Variants in NUTF2 observed in about 807,000 individuals in gnomAD.
NUTF2 encodes the protein placental protein 15.
Under a neutral mutation model 18.5 loss-of-function variants are expected in NUTF2, and 3 were observed. The observed-to-expected ratio is 0.16, with a 90% CI of 0.07 to 0.42. NUTF2 has a LOEUF of 0.42. Ranked by LOEUF, NUTF2 falls within the 10% of genes least tolerant of loss-of-function variation. The probability of loss-of-function intolerance (pLI) is 0.99; values close to 1 mark genes in which losing one functional copy is unlikely to be tolerated. For missense variants in NUTF2, 44 were observed against 160.7 expected, an observed-to-expected ratio of 0.27 and a Z score of 3.93; for synonymous variants, 51 against 57.9, an observed-to-expected ratio of 0.88 and a Z score of 0.54.
In NUTF2 at chr16:67,868,341, T is replaced by C; in HGVS notation, c.101T>C (p.Ile34Thr). Residue 34 changes from isoleucine to threonine, a missense_variant and splice_region_variant, in exon 3 of 5, where the codon ATT (isoleucine) becomes ACT (threonine). By Grantham distance (89) the Ile-to-Thr change is moderately conservative. Coordinates refer to ENST00000219169, the MANE Select transcript of NUTF2 (RefSeq NM_005796.3). ...NDRTQLGAIY[I>T]DASCLTWEGQ... is the part of the protein sequence containing the mutation. ...TGGGGTTTCCTGTGCCTTTTTCAGATTGACGCGTCATGCCTTACGTGGGAA... is the reference window on the plus strand; with the variant it reads ...TGGGGTTTCCTGTGCCTTTTTCAGACTGACGCGTCATGCCTTACGTGGGAA... The C allele has an allele frequency of 1.2e-6, 2 of 1,613,520 alleles. No homozygotes were observed. The highest frequency in any genetic ancestry group is 1.7e-6 in the Non-Finnish European group (2 of 1,179,512).
chr16:67,864,142 G>C (rs557303095), intron 1 of NUTF2, among the ~76,000 whole-genome samples: 21 of 152,218 alleles, frequency 1.4e-4, no homozygotes, highest in Non-Finnish European at 2.8e-4. Context: ...GAAAGGGCCA[G>C]GTCAGGTAAT....
intron 1 of NUTF2, among the ~76,000 whole-genome samples, chr16:67,848,014 G>C (rs2057820276): frequency 1.3e-5 from 2 of 152,278 alleles, no homozygotes; most frequent in Middle Eastern, 3.4e-3. Context: ...CCCCTCACTT[G>C]CTTGCTCACT....
Position 67,871,023 on chromosome 16 carries a change from T to G in NUTF2, c.*110T>G. On this transcript the variant is annotated 3_prime_UTR_variant, in exon 5 of 5. Transcript: ENST00000219169. Reference sequence around the variant, plus strand: ...CATGCACAAATGAGCAGGGCCGCGGTGGGAGTGGGCGCAGTGCGCTGCTGC... The same window carrying G: ...CATGCACAAATGAGCAGGGCCGCGGGGGGAGTGGGCGCAGTGCGCTGCTGC... 3.3e-5 allele frequency: 25 copies of G among 764,716 alleles called. No homozygotes were observed. The highest frequency in any genetic ancestry group is 5.2e-5 in the East Asian group (2 of 38,216). The allele number at this position is 764,716 out of a possible 1,614,324, so 47.4% of individuals were successfully genotyped here.
intron 1 of NUTF2, among the ~76,000 whole-genome samples, chr16:67,851,774 G>A (rs901579243): frequency 6.6e-6 from 1 of 152,060 alleles, no homozygotes; most frequent in Non-Finnish European, 1.5e-5. Context: ...CCAGCACTTT[G>A]GGAGGCTGAG....
chr16:67,859,795 C>CT lies in NUTF2; in HGVS notation c.-29-5280dup, dbSNP rs34914554. Among the ~76,000 whole-genome samples the CT allele has an allele frequency of 2.5e-3, 115 of 45,628 alleles. 13 individuals are homozygous for CT. The highest frequency in any genetic ancestry group is 3.6e-3 in the Non-Finnish European group (100 of 27,746). 29.9% of individuals were successfully genotyped at this position (45,628 alleles called of 152,430 possible). A position where few individuals can be genotyped will look rare whatever the true frequency, so the allele number is the denominator to read the frequency against. ...ACAGGCGTGAGCCACTGCGCCAGGC[C>CT]TTTTTTTTTTTTTTTTTTTTTTTTT... On this transcript the variant is annotated intron_variant, in intron 1 of 4. Transcript: ENST00000219169.
chr16:67,857,730 G>A (rs1186460337), intron 1 of NUTF2, among the ~76,000 whole-genome samples: 1 of 152,266 alleles, frequency 6.6e-6, no homozygotes, highest in East Asian at 1.9e-4. Context: ...GTGTGGCTGT[G>A]CCTGCTGTTT....
chr16:67,849,248 G>A lies in NUTF2; in HGVS notation c.-30+2263G>A, dbSNP rs562935057. ...TTTCAAGACCCTGTAGATTGTCTGC[G>A]TGGGTACTTTCTAGGACACAGATTT... On this transcript the variant is annotated intron_variant, in intron 1 of 4. Coordinates refer to ENST00000219169, the MANE Select transcript of NUTF2 (RefSeq NM_005796.3). Among the ~76,000 whole-genome samples, 7 of 152,352 alleles carry A rather than the reference G, an allele frequency of 4.6e-5. No individual in the cohort carries two copies. In the South Asian group the frequency reaches 1.2e-3, roughly 27 times the overall value.
At chr16:67,854,461 A>G (rs2151295425) in intron 1 of NUTF2, among the ~76,000 whole-genome samples, 1 of 152,358 alleles carries the variant, frequency 6.6e-6, no homozygotes, top group South Asian at 2.1e-4. Flanking sequence ...TGTTCCTTCA[A>G]CAGATGGCCC....
chr16:67,866,013 C>T (rs900184623), intron 2 of NUTF2, among the ~76,000 whole-genome samples: 3 of 152,252 alleles, frequency 2.0e-5, no homozygotes, highest in Non-Finnish European at 2.9e-5. Flanking sequence ...CCACTGCGCC[C>T]GGCATTTGCT....
chr16:67,865,939 C>T (rs546777864), intron 2 of NUTF2, among the ~76,000 whole-genome samples: 3 of 152,116 alleles, frequency 2.0e-5, no homozygotes, highest in East Asian at 3.9e-4. Flanking sequence ...AGGCTGGTCT[C>T]GAACTCCTGA....
intron 1 of NUTF2, among the ~76,000 whole-genome samples, chr16:67,858,684 G>A (rs902595051): frequency 3.9e-5 from 6 of 152,176 alleles, no homozygotes; most frequent in African/African-American, 1.2e-4. Context: ...AGTGGCAAGA[G>A]ATGAGGTTGG....
At chr16:67,870,418 AG>A in intron 4 of NUTF2, 1 of 182,496 alleles carries the variant, frequency 5.5e-6, no homozygotes. Context: ...GATTGTTTGC[AG>A]TTTTTTTGAT....
rs1351461563 is a variant in NUTF2 at position 67,871,171 on chromosome 16, T to TTC, written c.*259_*260insCT. 2 of 330,974 alleles carry TTC rather than the reference T, an allele frequency of 6.0e-6. No homozygotes were observed. The highest frequency in any genetic ancestry group is 4.3e-5 in the African/African-American group (2 of 46,334). 20.5% of individuals were successfully genotyped at this position (330,974 alleles called of 1,614,324 possible). ...AATGCAAAAGGTTGTCCTTTTTTTT[T>TTC]TTTTTTTTTTTTTAATCTACTGACA... On this transcript the variant is annotated 3_prime_UTR_variant, in exon 5 of 5. Coordinates refer to ENST00000219169, the MANE Select transcript of NUTF2 (RefSeq NM_005796.3).
chr16:67,860,824 C>T (rs532069564), intron 1 of NUTF2, among the ~76,000 whole-genome samples: 1 of 152,346 alleles, frequency 6.6e-6, no homozygotes, highest in South Asian at 2.1e-4. Context: ...CTCGATCACT[C>T]TCCTGCCTCA....
chr16:67,865,304 C>T (rs1361674637), intron 2 of NUTF2, 75 bp downstream of exon 2: 3 of 1,027,234 alleles, frequency 2.9e-6, no homozygotes, highest in East Asian at 4.9e-5. Flanking sequence ...GTCCAGTTCA[C>T]AAGTTCTGGC....
intron 1 of NUTF2, among the ~76,000 whole-genome samples, chr16:67,860,896 G>A (rs577265121): frequency 1.3e-5 from 2 of 152,356 alleles, no homozygotes; most frequent in East Asian, 1.9e-4. Flanking sequence ...TTGTGACCTC[G>A]AAGGTTTGAG....
chr16:67,862,494 C>T (rs1158945225), intron 1 of NUTF2, among the ~76,000 whole-genome samples: 2 of 152,174 alleles, frequency 1.3e-5, no homozygotes, highest in Non-Finnish European at 1.5e-5. Context: ...TATCCCTCCA[C>T]CCCATTTCCT....
intron 1 of NUTF2, among the ~76,000 whole-genome samples, chr16:67,858,708 C>T (rs2057914423): frequency 6.6e-6 from 1 of 152,060 alleles, no homozygotes; most frequent in East Asian, 1.9e-4. Context: ...GCCAGGAGGG[C>T]CAGGTCACCT....
At chr16:67,868,925 G>A (rs1234847211) in intron 4 of NUTF2, 1 of 229,556 alleles carries the variant, frequency 4.4e-6, no homozygotes, top group Non-Finnish European at 8.8e-6. Flanking sequence ...TGGGACTGGG[G>A]TGCCAAGCCA....
Sources: allele counts gnomAD v4.1 joint callset (sites outside exome capture counted in the v4.1 genomes callset), GRCh38; gene constraint gnomAD v4.1.1; transcripts MANE v1.5; gene names NCBI Gene and HGNC (gene_info 2026-07-23, HGNC 2026-07-21).